Variants in CPEB3 observed in about 807,000 individuals in gnomAD.
CPEB3 encodes cytoplasmic polyadenylation element-binding protein 3.
Under a neutral mutation model 67.2 loss-of-function variants are expected in CPEB3, and 20 were observed. The ratio of observed to expected loss-of-function variants is 0.30; its 90% CI spans 0.21 to 0.43. The LOEUF (loss-of-function observed/expected upper bound fraction) is 0.43, where lower values mean the gene tolerates loss of function less well. Ranked by LOEUF, CPEB3 falls within the 20% of genes least tolerant of loss-of-function variation. The pLI is 1.00. For missense variants in CPEB3, 746 were observed against 968.6 expected, an observed-to-expected ratio of 0.77 and a Z score of 3.05; for synonymous variants, 376 against 393.1, an observed-to-expected ratio of 0.96 and a Z score of 0.51.
intron 6 of CPEB3, among the ~76,000 whole-genome samples, chr10:92,118,134 G>C (rs1277554384): frequency 6.6e-6 from 1 of 152,054 alleles, no homozygotes; most frequent in Non-Finnish European, 1.5e-5. Flanking sequence ...GTTTTGTTTT[G>C]TTTTGTTTTG....
chr10:92,218,639 T>G (rs1850549341), intron 2 of CPEB3, among the ~76,000 whole-genome samples: 2 of 152,172 alleles, frequency 1.3e-5, no homozygotes, highest in Non-Finnish European at 2.9e-5. Context: ...TTCTCCAGCC[T>G]ACCCACAAGT....
intron 6 of CPEB3, among the ~76,000 whole-genome samples, chr10:92,111,664 T>A (rs1319815422): frequency 1.3e-5 from 2 of 152,324 alleles, no homozygotes; most frequent in Admixed American, 1.3e-4. Flanking sequence ...AGTGGCTGCC[T>A]AGGATGGGGA....
chr10:92,166,541 T>G (rs1590284364), intron 4 of CPEB3, among the ~76,000 whole-genome samples: 1 of 152,348 alleles, frequency 6.6e-6, no homozygotes, highest in East Asian at 1.9e-4. Flanking sequence ...TCAAGTGCAC[T>G]GTCAATGAAC....
At chr10:92,230,377 G>A (rs1851211686) in intron 2 of CPEB3, among the ~76,000 whole-genome samples, 1 of 152,164 alleles carries the variant, frequency 6.6e-6, no homozygotes, top group Non-Finnish European at 1.5e-5. Flanking sequence ...CCCTTTGTGT[G>A]TATTAATTCT....
intron 2 of CPEB3, among the ~76,000 whole-genome samples, chr10:92,208,598 T>A (rs1354924182): frequency 6.7e-6 from 1 of 148,820 alleles, no homozygotes. Flanking sequence ...TTTTTTTCTT[T>A]CTTTTTTTTT....
intron 2 of CPEB3, among the ~76,000 whole-genome samples, chr10:92,218,626 C>T (rs1850548945): frequency 6.6e-6 from 1 of 152,196 alleles, no homozygotes; most frequent in Non-Finnish European, 1.5e-5. Flanking sequence ...AGCATAGATC[C>T]TGTTCTCCAG....
intron 5 of CPEB3, among the ~76,000 whole-genome samples, 166 bp downstream of exon 5, chr10:92,144,779 G>A (rs746405569): frequency 1.3e-5 from 2 of 152,156 alleles, no homozygotes; most frequent in Non-Finnish European, 2.9e-5. Flanking sequence ...GTAACATGAA[G>A]TACTTAGTAC....
rs988426489 is a variant in CPEB3 at position 92,065,311 on chromosome 10, C to A, written c.1870-12872G>T. Reference sequence around the variant, plus strand: ...TCTTGGCTCACTGCAACCTCCATCTCCTGGATTCAAGTGATTCTCGTGCAT... The same window carrying A: ...TCTTGGCTCACTGCAACCTCCATCTACTGGATTCAAGTGATTCTCGTGCAT... On this transcript the variant is annotated intron_variant, in intron 9 of 9. Coordinates refer to ENST00000265997, the MANE Select transcript of CPEB3 (RefSeq NM_014912.5). 2.0e-5 allele frequency among the ~76,000 whole-genome samples: 3 copies of A among 152,218 alleles called. 1 individual carries two copies. Among genetic ancestry groups the A allele is most frequent in the South Asian group, 4.1e-4 (2 of 4,834 alleles).
At chr10:92,080,922 G>A (rs776388752) in intron 9 of CPEB3, among the ~76,000 whole-genome samples, 7 of 152,064 alleles carry the variant, frequency 4.6e-5, no homozygotes, top group Non-Finnish European at 1.0e-4. Flanking sequence ...CAAACCAGAA[G>A]TTCAACATCT....
At chr10:92,142,133 A>G (rs1484938100) in intron 6 of CPEB3, among the ~76,000 whole-genome samples, 3 of 152,086 alleles carry the variant, frequency 2.0e-5, no homozygotes, top group Non-Finnish European at 2.9e-5. Flanking sequence ...AGTACAACTG[A>G]CAATGAAACC....
At chr10:92,176,174 C>T (rs1848212948) in intron 4 of CPEB3, among the ~76,000 whole-genome samples, 1 of 152,100 alleles carries the variant, frequency 6.6e-6, no homozygotes, top group South Asian at 2.1e-4. Context: ...TAAATGTAAA[C>T]AATGTGAGAT....
At chr10:92,100,248 A>G (rs1398870402) in intron 7 of CPEB3, among the ~76,000 whole-genome samples, 1 of 152,120 alleles carries the variant, frequency 6.6e-6, no homozygotes, top group Non-Finnish European at 1.5e-5. Context: ...TCCCCCCAGC[A>G]GCAAGGAGAA....
intron 2 of CPEB3, among the ~76,000 whole-genome samples, chr10:92,193,292 A>G (rs1036911553): frequency 2.0e-5 from 3 of 152,154 alleles, no homozygotes; most frequent in Admixed American, 2.0e-4. Flanking sequence ...ATTTTCCCTA[A>G]TACTCTATAA....
chr10:92,198,741 C>G (rs1451933788), intron 2 of CPEB3, among the ~76,000 whole-genome samples: 1 of 152,218 alleles, frequency 6.6e-6, no homozygotes, highest in Non-Finnish European at 1.5e-5. Flanking sequence ...CTGAGGAAAA[C>G]TGAGGCTCAC....
At chr10:92,139,649 CAAT>C (rs1373449817) in intron 6 of CPEB3, among the ~76,000 whole-genome samples, 4 of 152,030 alleles carry the variant, frequency 2.6e-5, no homozygotes, top group Non-Finnish European at 5.9e-5. Flanking sequence ...CTACAATCAA[CAAT>C]AATCTACTGT....
chr10:92,224,692 A>T (rs1282628389), intron 2 of CPEB3, among the ~76,000 whole-genome samples: 1 of 151,758 alleles, frequency 6.6e-6, no homozygotes, highest in Non-Finnish European at 1.5e-5. Context: ...CAAAAAATTT[A>T]AAAATTAGCT....
At chr10:92,206,336 G>A (rs1407963128) in intron 2 of CPEB3, among the ~76,000 whole-genome samples, 1 of 152,020 alleles carries the variant, frequency 6.6e-6, no homozygotes, top group South Asian at 2.1e-4. Flanking sequence ...GCCTCCCAAA[G>A]TGCTGGGACT....
At chr10:92,224,034 G>A (rs1424905098) in intron 2 of CPEB3, among the ~76,000 whole-genome samples, 1 of 152,068 alleles carries the variant, frequency 6.6e-6, no homozygotes, top group African/African-American at 2.4e-5. Flanking sequence ...CAAAGTGCTG[G>A]GATTACAGGT....
intron 3 of CPEB3, among the ~76,000 whole-genome samples, chr10:92,182,625 A>C (rs1310306405): frequency 6.6e-6 from 1 of 152,190 alleles, no homozygotes; most frequent in Non-Finnish European, 1.5e-5. Context: ...CATGAGTTAG[A>C]GACCAGCCTG....
Sources: allele counts gnomAD v4.1 joint callset (sites outside exome capture counted in the v4.1 genomes callset), GRCh38; gene constraint gnomAD v4.1.1; transcripts MANE v1.5; gene names NCBI Gene and HGNC (gene_info 2026-07-23, HGNC 2026-07-21).